PTPRD: variants seen among roughly 807,000 people sequenced by gnomAD.
The protein encoded by PTPRD is protein tyrosine phosphatase receptor type D, also known as receptor-type tyrosine-protein phosphatase delta.
In PTPRD, 34 loss-of-function variants were observed where a neutral mutation model predicts 214.5. That is an observed-to-expected ratio of 0.16 (90% CI 0.12 to 0.21). PTPRD has a LOEUF of 0.21. PTPRD is among the 10% of genes least tolerant of loss of function. The probability of loss-of-function intolerance (pLI) is 1.00; values close to 1 mark genes in which losing one functional copy is unlikely to be tolerated. For synonymous variants in PTPRD, 1,128 were observed against 845.7 expected, an observed-to-expected ratio of 1.33 and a Z score of -5.79; for missense variants, 2,545 against 2,398.7, an observed-to-expected ratio of 1.06 and a Z score of -1.27.
chr9:9,425,309 T>C (rs978270588), intron 8 of PTPRD, among the ~76,000 whole-genome samples: 1 of 151,074 alleles, frequency 6.6e-6, no homozygotes, highest in Non-Finnish European at 1.5e-5. Context: ...GCAATAAACC[T>C]AACAAACTTT....
chr9:10,386,234 G>A (rs1045470496), intron 2 of PTPRD, among the ~76,000 whole-genome samples: 11 of 151,726 alleles, frequency 7.2e-5, no homozygotes, highest in Admixed American at 1.3e-4. Flanking sequence ...CAACACACAC[G>A]TACAGAAAGA....
At chr9:10,200,190 T>G (rs1191637747) in intron 3 of PTPRD, among the ~76,000 whole-genome samples, 1 of 151,782 alleles carries the variant, frequency 6.6e-6, no homozygotes. Context: ...GACATAATGC[T>G]AATTAACAAA....
chr9:10,174,808 C>G (rs1173165458), intron 3 of PTPRD, among the ~76,000 whole-genome samples: 1 of 151,770 alleles, frequency 6.6e-6, no homozygotes, highest in Non-Finnish European at 1.5e-5. Context: ...AAAAGTAACC[C>G]CATAGTAAAT....
chr9:9,896,497 T>A (rs752655730), intron 5 of PTPRD, among the ~76,000 whole-genome samples: 23 of 152,116 alleles, frequency 1.5e-4, no homozygotes, highest in Admixed American at 1.4e-3. Flanking sequence ...TGGGAAATAG[T>A]CTAGTGCATT....
In PTPRD at chr9:10,389,155, G is replaced by A. The variant is rs550048435; in HGVS notation, c.-599-48138C>T. On this transcript the variant is annotated intron_variant, in intron 2 of 45. Coordinates refer to ENST00000381196, the MANE Select transcript of PTPRD (RefSeq NM_002839.4). Reference sequence around the variant, plus strand: ...GAGGCCTTGCTTCAGCAGCTGTTATGTGTACATAGAGGCTGCAAACCCTAT... The same window carrying A: ...GAGGCCTTGCTTCAGCAGCTGTTATATGTACATAGAGGCTGCAAACCCTAT... Among the ~76,000 whole-genome samples, 4 of 151,876 alleles carry A rather than the reference G, an allele frequency of 2.6e-5. No homozygotes were observed. The East Asian group carries it at 7.8e-4, about 30-fold the overall frequency.
chr9:9,405,481 T>C (rs371584483), intron 8 of PTPRD, among the ~76,000 whole-genome samples: 2 of 152,008 alleles, frequency 1.3e-5, no homozygotes, highest in East Asian at 1.9e-4. Flanking sequence ...ACTGTGTAGA[T>C]AGACATCACT....
At chr9:9,454,561 T>A (rs1028006199) in intron 8 of PTPRD, among the ~76,000 whole-genome samples, 9 of 151,792 alleles carry the variant, frequency 5.9e-5, no homozygotes, top group African/African-American at 2.2e-4. Flanking sequence ...TCAGTAAGAA[T>A]TTTCAAGATA....
intron 4 of PTPRD, among the ~76,000 whole-genome samples, chr9:9,997,162 A>G (rs1046200275): frequency 1.3e-5 from 2 of 152,228 alleles, no homozygotes; most frequent in Admixed American, 6.5e-5. Flanking sequence ...AGAAATTATA[A>G]AAGTGAGTCA....
chr9:8,792,359 A>G (rs1220372620), intron 11 of PTPRD, among the ~76,000 whole-genome samples: 2 of 152,212 alleles, frequency 1.3e-5, no homozygotes, highest in African/African-American at 2.4e-5. Flanking sequence ...AAAAATGATA[A>G]TAAATGCAGT....
At chr9:10,134,473 C>T (rs1224150021) in intron 3 of PTPRD, among the ~76,000 whole-genome samples, 5 of 152,148 alleles carry the variant, frequency 3.3e-5, no homozygotes, top group African/African-American at 9.7e-5. Context: ...TATGTAAATG[C>T]CTAACTGCTG....
At chr9:9,701,350 G>C (rs889031862) in intron 7 of PTPRD, among the ~76,000 whole-genome samples, 1 of 152,112 alleles carries the variant, frequency 6.6e-6, no homozygotes, top group Non-Finnish European at 1.5e-5. Context: ...ATAAAAAAAA[G>C]TTATGCTAAT....
chr9:8,757,623 TATATATATATATATATATACATAC>T lies in PTPRD; in HGVS notation c.-103-23701_-103-23678del, dbSNP rs1457662520. 1.6e-4 allele frequency among the ~76,000 whole-genome samples: 18 copies of T among 112,578 alleles called. No individual in the cohort carries two copies. The Middle Eastern group carries it at 0.029, about 182-fold the overall frequency. The allele number at this position is 112,578 out of a possible 152,430, so 73.9% of individuals were successfully genotyped here. A position where few individuals can be genotyped will look rare whatever the true frequency, so the allele number is the denominator to read the frequency against. ...ATTCTGCATATATATAAATTCTGCA[TATATATATATATATATATACATAC>T]ATATATACATATATATATACATACA... On this transcript the variant is annotated intron_variant, in intron 11 of 45. Coordinates refer to ENST00000381196, the MANE Select transcript of PTPRD (RefSeq NM_002839.4).
At chr9:8,329,039 C>G (rs1490178196) in intron 44 of PTPRD, among the ~76,000 whole-genome samples, 5 of 152,116 alleles carry the variant, frequency 3.3e-5, no homozygotes, top group Non-Finnish European at 7.3e-5. Context: ...GTCAATTTAT[C>G]AAACTCATTC....
intron 8 of PTPRD, among the ~76,000 whole-genome samples, chr9:9,490,492 T>A (rs1382962572): frequency 1.3e-5 from 2 of 152,096 alleles, no homozygotes; most frequent in Non-Finnish European, 2.9e-5. Flanking sequence ...ACATTTTGTT[T>A]ACTATATAAT....
At chr9:8,447,544 T>C (rs2095781673) in intron 34 of PTPRD, among the ~76,000 whole-genome samples, 1 of 152,198 alleles carries the variant, frequency 6.6e-6, no homozygotes. Context: ...GAGAAGTACT[T>C]GCAGACAGAA....
intron 5 of PTPRD, among the ~76,000 whole-genome samples, chr9:9,782,644 G>A (rs755453722): frequency 8.5e-5 from 13 of 152,184 alleles, no homozygotes; most frequent in Non-Finnish European, 1.6e-4. Flanking sequence ...TTATTGCAAT[G>A]AGTATAGATA....
At chr9:8,709,297 G>C (rs144343206) in intron 12 of PTPRD, among the ~76,000 whole-genome samples, 1 of 151,766 alleles carries the variant, frequency 6.6e-6, no homozygotes, top group East Asian at 1.9e-4. Flanking sequence ...GGCGGATCAC[G>C]AGGTCAGGAG....
chr9:9,597,054 A>G (rs1323794410), intron 7 of PTPRD, among the ~76,000 whole-genome samples: 1 of 152,036 alleles, frequency 6.6e-6, no homozygotes, highest in Admixed American at 6.6e-5. Context: ...AAAAAGCTGC[A>G]GGTAAGAAGT....
At chr9:8,415,756 G>C (rs910372567) in intron 35 of PTPRD, among the ~76,000 whole-genome samples, 2 of 152,070 alleles carry the variant, frequency 1.3e-5, no homozygotes, top group African/African-American at 4.8e-5. Flanking sequence ...GGGCCAGGGA[G>C]GACGATGACC....
Sources: gnomAD v4.1 joint callset for allele counts (sites outside exome capture counted in the v4.1 genomes callset) on GRCh38, gnomAD v4.1.1 for gene constraint, MANE v1.5 for transcripts, NCBI Gene and HGNC (gene_info 2026-07-23, HGNC 2026-07-21) for gene names.